The following CHKA variants were observed in gnomAD, a reference collection of about 807,000 sequenced individuals.
CHKA encodes the protein CHETK-alpha.
CHKA carries 34 observed loss-of-function variants against 60.1 expected under a neutral mutation model. The ratio of observed to expected loss-of-function variants is 0.57; its 90% CI spans 0.43 to 0.75. CHKA has a LOEUF of 0.75. Ranked by LOEUF, CHKA falls within the 30% of genes least tolerant of loss-of-function variation. The pLI is 0.00. For synonymous variants in CHKA, 217 were observed against 223.1 expected (o/e 0.97, Z 0.24); for missense variants, 563 against 561.3 (o/e 1.00, Z -0.03).
chr11:68,106,811 C>A (rs906075602), intron 1 of CHKA, among the ~76,000 whole-genome samples: 1 of 152,198 alleles, frequency 6.6e-6, no homozygotes, highest in Non-Finnish European at 1.5e-5. Flanking sequence ...TCTACTCCAG[C>A]ACGGCTCAGC....
chr11:68,114,172 T>C (rs916147697), intron 1 of CHKA, among the ~76,000 whole-genome samples: 6 of 152,140 alleles, frequency 3.9e-5, no homozygotes, highest in Non-Finnish European at 7.4e-5. Flanking sequence ...GGCAGTTCCT[T>C]ACAAAACTAA....
At chr11:68,092,091 A>G (rs190993319) in intron 2 of CHKA, among the ~76,000 whole-genome samples, 1 of 152,312 alleles carries the variant, frequency 6.6e-6, no homozygotes, top group East Asian at 1.9e-4. Context: ...TACCAGTTAT[A>G]TTGTATAAGT....
At chr11:68,061,794 C>T in intron 11 of CHKA, 159 bp downstream of exon 11, 2 of 675,324 alleles carry the variant, frequency 3.0e-6, no homozygotes, top group Non-Finnish European at 5.4e-6. Flanking sequence ...GGCTGAGCCA[C>T]ACTGTCCTGA....
chr11:68,089,113 T>C (rs900478629), intron 2 of CHKA, among the ~76,000 whole-genome samples: 7 of 152,322 alleles, frequency 4.6e-5, no homozygotes, highest in Admixed American at 1.3e-4. Flanking sequence ...AAACTAGAAC[T>C]TCTAAAACAC....
chr11:68,064,343 G>A (rs1222130590), intron 10 of CHKA, among the ~76,000 whole-genome samples, 182 bp downstream of exon 10: 1 of 151,996 alleles, frequency 6.6e-6, no homozygotes, highest in East Asian at 1.9e-4. Context: ...GGGAGGCGGA[G>A]GTTGCAGTGA....
chr11:68,104,673 C>T (rs1474789928), intron 1 of CHKA, among the ~76,000 whole-genome samples: 2 of 151,948 alleles, frequency 1.3e-5, no homozygotes, highest in Non-Finnish European at 2.9e-5. Context: ...CCAACCGCCT[C>T]GGCCTCCCAA....
rs139352288 is a variant in CHKA, at chr11:68,076,281, G to A, written c.517-1451C>T. On this transcript the variant is annotated intron_variant, in intron 3 of 11. Transcript: ENST00000265689. ...ATCTATCAAGCTAATGAATTTTAGGGTGGGATTTGATATCAGACAGGTTTT... is the reference window on the plus strand; with the variant it reads ...ATCTATCAAGCTAATGAATTTTAGGATGGGATTTGATATCAGACAGGTTTT... 9.2e-5 allele frequency among the ~76,000 whole-genome samples: 14 copies of A among 152,142 alleles called. No homozygotes were observed. The East Asian group carries it at 2.7e-3, about 29-fold the overall frequency.
chr11:68,079,403 C>T (rs1856902345), intron 3 of CHKA, among the ~76,000 whole-genome samples: 1 of 151,988 alleles, frequency 6.6e-6, no homozygotes, highest in African/African-American at 2.4e-5. Flanking sequence ...GATCTCGGCT[C>T]ACTGCAAGCT....
chr11:68,085,770 T>C (rs1423517940), intron 2 of CHKA, among the ~76,000 whole-genome samples: 1 of 152,058 alleles, frequency 6.6e-6, no homozygotes, highest in African/African-American at 2.4e-5. Context: ...GTTTGTTTTG[T>C]TTTTTGTTTT....
At chr11:68,088,652 G>C (rs565787038) in intron 2 of CHKA, among the ~76,000 whole-genome samples, 5 of 151,998 alleles carry the variant, frequency 3.3e-5, no homozygotes, top group Admixed American at 1.3e-4. Flanking sequence ...TTGGCAATAT[G>C]TTTTCTTCTC....
chr11:68,061,105 T>G (rs1240666990), intron 11 of CHKA, among the ~76,000 whole-genome samples: 3 of 140,572 alleles, frequency 2.1e-5, no homozygotes, highest in South Asian at 2.4e-4. Flanking sequence ...GTTTTTTTTT[T>G]TTTTTTTTTT....
At chr11:68,105,260 T>C (rs1590877496) in intron 1 of CHKA, among the ~76,000 whole-genome samples, 1 of 150,342 alleles carries the variant, frequency 6.7e-6, no homozygotes, top group Non-Finnish European at 1.5e-5. Context: ...CTCACGCCTG[T>C]AATCCCAGCA....
intron 1 of CHKA, among the ~76,000 whole-genome samples, chr11:68,097,796 A>T (rs1241794289): frequency 1.3e-5 from 2 of 152,134 alleles, no homozygotes; most frequent in Non-Finnish European, 2.9e-5. Flanking sequence ...TCCCAACATT[A>T]ACTGGTTACC....
chr11:68,109,311 G>A (rs991316130), intron 1 of CHKA, among the ~76,000 whole-genome samples: 4 of 151,964 alleles, frequency 2.6e-5, no homozygotes, highest in South Asian at 2.1e-4. Context: ...GGATGGTCTC[G>A]ATCTCCTGAC....
At chr11:68,063,083 C>G (rs1856308399) in intron 10 of CHKA, among the ~76,000 whole-genome samples, 4 of 152,162 alleles carry the variant, frequency 2.6e-5, no homozygotes. Flanking sequence ...GCTTTGAAAA[C>G]TGTTGAGAAA....
intron 1 of CHKA, among the ~76,000 whole-genome samples, chr11:68,118,064 G>C (rs1376987602): frequency 7.9e-5 from 12 of 152,170 alleles, no homozygotes; most frequent in Admixed American, 7.9e-4. Flanking sequence ...GGTTAAATTT[G>C]GAATAGGAAT....
intron 2 of CHKA, among the ~76,000 whole-genome samples, chr11:68,095,944 G>A (rs1212323917): frequency 1.3e-5 from 2 of 151,516 alleles, no homozygotes; most frequent in Non-Finnish European, 2.9e-5. Flanking sequence ...GAAAGCTGAG[G>A]CAGGAGAATG....
intron 10 of CHKA, among the ~76,000 whole-genome samples, chr11:68,063,186 C>G (rs180783677): frequency 3.3e-5 from 5 of 152,110 alleles, no homozygotes; most frequent in African/African-American, 1.2e-4. Context: ...TGGTGGCCGC[C>G]ACTCCAGAAG....
At chr11:68,078,972 A>G (rs1856883431) in intron 3 of CHKA, among the ~76,000 whole-genome samples, 1 of 151,642 alleles carries the variant, frequency 6.6e-6, no homozygotes, top group African/African-American at 2.4e-5. Flanking sequence ...GGAGATGGAT[A>G]GCCCAGGCTG....
Sources: allele counts gnomAD v4.1 joint callset (sites outside exome capture counted in the v4.1 genomes callset), GRCh38; gene constraint gnomAD v4.1.1; transcripts MANE v1.5; gene names NCBI Gene and HGNC (gene_info 2026-07-23, HGNC 2026-07-21).